Variants in STAG2 observed in about 807,000 individuals in gnomAD.
STAG2 encodes the protein STAG2 cohesin complex component.
A neutral mutation model predicts 108.1 loss-of-function variants in STAG2; 14 were observed. That is an observed-to-expected ratio of 0.13 (90% CI 0.09 to 0.20). The LOEUF (loss-of-function observed/expected upper bound fraction) is 0.20, where lower values mean the gene tolerates loss of function less well. STAG2 is among the 10% of genes least tolerant of loss of function. The probability of loss-of-function intolerance (pLI) is 1.00; values close to 1 mark genes in which losing one functional copy is unlikely to be tolerated. For missense variants in STAG2, 440 were observed against 940.9 expected (o/e 0.47, Z 6.96); for synonymous variants, 307 against 302.7 (o/e 1.01, Z -0.15).
At chrX:124,048,941 C>CACA (rs1569512322) in intron 9 of STAG2, 64 bp from the exon 10 acceptor site, 10 of 942,557 alleles carry the variant, frequency 1.1e-5, no homozygotes, top group Non-Finnish European at 1.5e-5. Flanking sequence ...CTTGTAACAA[C>CACA]TTACAGGTGT....
At chrX:124,056,560 C>A (rs1049376851) in intron 14 of STAG2, among the ~76,000 whole-genome samples, 1 of 107,166 alleles carries the variant, frequency 9.3e-6, no homozygotes, top group South Asian at 4.2e-4. Flanking sequence ...GGTGAAACCC[C>A]GTCTCTACTA....
intron 1 of STAG2, among the ~76,000 whole-genome samples, chrX:124,000,888 C>T (rs1056002629): frequency 8.2e-5 from 9 of 109,694 alleles, no homozygotes; most frequent in African/African-American, 3.0e-4. Flanking sequence ...TGTGTCTTAG[C>T]GTTTAACGAA....
chrX:124,090,428 G>T, intron 30 of STAG2, 147 bp from the exon 31 acceptor site: 1 of 483,740 alleles, frequency 2.1e-6, no homozygotes, highest in Non-Finnish European at 3.6e-6. Flanking sequence ...GCCAGGTCAG[G>T]GACTGCCCCT....
At chrX:124,079,868 A>G (rs916950088) in intron 27 of STAG2, among the ~76,000 whole-genome samples, 7 of 111,437 alleles carry the variant, frequency 6.3e-5, no homozygotes, top group African/African-American at 2.0e-4. Flanking sequence ...TCCATTTTGT[A>G]AGGCTGCATT....
chrX:124,002,896 T>TCCA (rs2056115654), intron 1 of STAG2, among the ~76,000 whole-genome samples: 1 of 106,682 alleles, frequency 9.4e-6, no homozygotes, highest in African/African-American at 3.4e-5. Flanking sequence ...CCTCAGGTGA[T>TCCA]CCACCCGCCT....
chrX:124,001,494 C>T (rs982596920), intron 1 of STAG2, among the ~76,000 whole-genome samples: 5 of 112,049 alleles, frequency 4.5e-5, no homozygotes, highest in Middle Eastern at 4.7e-3. Context: ...ACTCACCACT[C>T]ACTCACTGAC....
At chrX:124,058,465 G>T (rs764001888) in intron 15 of STAG2, among the ~76,000 whole-genome samples, 81 of 112,404 alleles carry the variant, frequency 7.2e-4, no homozygotes, top group African/African-American at 2.5e-3. Flanking sequence ...TCTTCTTCTA[G>T]TAAGATGTTC....
At chrX:124,044,064 A>C (rs1042574690) in intron 7 of STAG2, among the ~76,000 whole-genome samples, 4 of 111,211 alleles carry the variant, frequency 3.6e-5, no homozygotes, top group Non-Finnish European at 5.7e-5. Context: ...TTATTCTAAA[A>C]GATAGATGAG....
rs752791141 is a variant in STAG2 at position 124,076,357 on chromosome X, T to C, written c.2559T>C (p.Ser853=). ...SADGQQEDEA[S]KIEALHKRRN... ...ATGGTCAGCAAGAGGATGAAGCCAG[T>C]AAAATTGAAGCTCTGCACAAGAGAA... The change falls in exon 26 of 35, where the codon AGT becomes AGC. Residue 853 remains serine, a synonymous_variant. Coordinates refer to ENST00000371145, the MANE Select transcript of STAG2 (RefSeq NM_001042750.2). 21 of 1,208,422 alleles carry C rather than the reference T, an allele frequency of 1.7e-5. 1 individual carries two copies. Among genetic ancestry groups the C allele is most frequent in the Non-Finnish European group, 2.2e-5 (20 of 894,285 alleles).
chrX:124,096,173 T>C (rs1038755312), intron 34 of STAG2, among the ~76,000 whole-genome samples: 3 of 101,507 alleles, frequency 3.0e-5, no homozygotes, highest in African/African-American at 7.0e-5. Flanking sequence ...AAGTCTTTTA[T>C]TGATTTTTTT....
intron 1 of STAG2, among the ~76,000 whole-genome samples, chrX:124,017,333 C>A (rs1038904342): frequency 9.1e-6 from 1 of 110,033 alleles, no homozygotes; most frequent in Non-Finnish European, 1.9e-5. Context: ...CCTCAGCCTC[C>A]CGAGTAGCTG....
At chrX:124,042,733 C>G (rs1017578188) in intron 7 of STAG2, 88 bp downstream of exon 7, 9 of 704,357 alleles carry the variant, frequency 1.3e-5, no homozygotes, top group Admixed American at 2.6e-5. Flanking sequence ...AAGCATTAGG[C>G]TGGGCATGGT....
intron 6 of STAG2, among the ~76,000 whole-genome samples, chrX:124,040,677 T>C (rs1289640204): frequency 9.1e-6 from 1 of 109,392 alleles, no homozygotes; most frequent in East Asian, 2.8e-4. Context: ...TATATGTAAA[T>C]GTTAATTTCA....
At chrX:124,058,336 G>C (rs1314554067) in intron 15 of STAG2, among the ~76,000 whole-genome samples, 1 of 110,035 alleles carries the variant, frequency 9.1e-6, no homozygotes, top group Non-Finnish European at 1.9e-5. Flanking sequence ...TTTTAGTACA[G>C]ACGGGGTTTC....
intron 1 of STAG2, among the ~76,000 whole-genome samples, chrX:123,982,459 T>G (rs1291467081): frequency 8.9e-6 from 1 of 112,105 alleles, no homozygotes; most frequent in African/African-American, 3.2e-5. Context: ...ACTGCAACTT[T>G]CGCACCACTG....
chrX:124,058,014 A>G lies in STAG2; in HGVS notation c.1416+37A>G, dbSNP rs775212348. The G allele has an allele frequency of 8.6e-6, 8 of 932,427 alleles. No homozygotes were observed. The South Asian group carries it at 2.0e-4, about 24-fold the overall frequency. The allele number at this position is 932,427 out of a possible 1,213,427, so 76.8% of individuals were successfully genotyped here. A position where few individuals can be genotyped will look rare whatever the true frequency, so the allele number is the denominator to read the frequency against. On this transcript the variant is annotated intron_variant, in intron 15 of 34. Coordinates refer to ENST00000371145, the MANE Select transcript of STAG2 (RefSeq NM_001042750.2). The stretch of plus-strand genomic sequence containing the variant: ...GTATTTATTTTATACTTAGGTTCGA[A>G]AAATTTTGGAAAAGGGGTTAAAATG...
chrX:123,986,222 ATATT>A (rs1449188141), intron 1 of STAG2, among the ~76,000 whole-genome samples: 2 of 107,742 alleles, frequency 1.9e-5, no homozygotes, highest in African/African-American at 3.4e-5. Context: ...TATATGGGAA[ATATT>A]TATTTACAAA....
chrX:123,997,782 A>T (rs1201058994), intron 1 of STAG2, among the ~76,000 whole-genome samples: 1 of 111,633 alleles, frequency 9.0e-6, no homozygotes, highest in African/African-American at 3.3e-5. Context: ...CTGGGATTAT[A>T]GGCACCCGTC....
Position 124,030,647 on chromosome X carries a change from C to T in STAG2, c.124-314C>T, listed in dbSNP as rs757671774. 8.1e-5 allele frequency among the ~76,000 whole-genome samples: 9 copies of T among 111,716 alleles called. No homozygotes were observed. The East Asian group carries it at 2.5e-3, about 31-fold the overall frequency. On this transcript the variant is annotated intron_variant, in intron 4 of 34. Transcript: ENST00000371145. The stretch of plus-strand genomic sequence containing the variant: ...CACTTTACAAATTAGAAAAACATCA[C>T]TGAAACATAGTGTGGTTAAGTAATT...
Sources: gnomAD v4.1 joint callset for allele counts (sites outside exome capture counted in the v4.1 genomes callset) on GRCh38, gnomAD v4.1.1 for gene constraint, MANE v1.5 for transcripts, NCBI Gene and HGNC (gene_info 2026-07-23, HGNC 2026-07-21) for gene names.